The following PABPC4L variants were observed in gnomAD, a reference collection of about 807,000 sequenced individuals.
The protein encoded by PABPC4L is poly(A) binding protein cytoplasmic 4 like.
For synonymous variants in PABPC4L, 169 were observed against 164.1 expected (o/e 1.03, Z -0.23); for missense variants, 452 against 451.4 (o/e 1.00, Z -0.01).
the PABPC4L span, among the ~76,000 whole-genome samples, chr4:134,144,998 T>C: frequency 6.6e-6 from 1 of 151,870 alleles, no homozygotes; most frequent in South Asian, 2.1e-4. Flanking sequence ...TTATCTGAAA[T>C]GATTCCAACA....
the PABPC4L span, among the ~76,000 whole-genome samples, chr4:134,025,538 T>C: frequency 6.6e-6 from 1 of 152,120 alleles, no homozygotes; most frequent in East Asian, 1.9e-4. Context: ...ATTGAATCTA[T>C]GACTGTAAAT....
At chr4:133,975,361 T>C in the PABPC4L span, among the ~76,000 whole-genome samples, 1 of 152,084 alleles carries the variant, frequency 6.6e-6, no homozygotes, top group Non-Finnish European at 1.5e-5. Flanking sequence ...GGATCACTAA[T>C]GAGTATTGGG....
the PABPC4L span, among the ~76,000 whole-genome samples, chr4:134,180,663 T>C: frequency 1.3e-5 from 2 of 150,246 alleles, no homozygotes; most frequent in African/African-American, 4.9e-5. Context: ...AGAGAGATGA[T>C]CCAAATAAAT....
chr4:134,170,858 G>C, the PABPC4L span, among the ~76,000 whole-genome samples: 1 of 152,126 alleles, frequency 6.6e-6, no homozygotes, highest in Non-Finnish European at 1.5e-5. Flanking sequence ...CCAATAAGCG[G>C]ATTGCTGGAT....
At chr4:134,050,919 TG>T in the PABPC4L span, among the ~76,000 whole-genome samples, 1 of 150,006 alleles carries the variant, frequency 6.7e-6, no homozygotes, top group African/African-American at 2.5e-5. Flanking sequence ...TACCCACATT[TG>T]GAAAAGAGTT....
the PABPC4L span, among the ~76,000 whole-genome samples, chr4:134,151,258 T>G: frequency 6.6e-6 from 1 of 152,090 alleles, no homozygotes; most frequent in Non-Finnish European, 1.5e-5. Context: ...CACTACATAC[T>G]TTACTGTATA....
the PABPC4L span, among the ~76,000 whole-genome samples, chr4:134,090,498 T>A: frequency 1.0e-3 from 152 of 152,184 alleles, 1 homozygote; most frequent in African/African-American, 3.5e-3. Flanking sequence ...CCAGGTGCAG[T>A]GGCTTATGCC....
the PABPC4L span, among the ~76,000 whole-genome samples, chr4:134,043,904 ATGTGTG>A: frequency 2.0e-5 from 3 of 147,544 alleles, no homozygotes; most frequent in East Asian, 2.1e-4. Flanking sequence ...CTGTATATAT[ATGTGTG>A]TGTGTGTGTG....
At chr4:134,179,783 CA>C in the PABPC4L span, among the ~76,000 whole-genome samples, 46 of 148,078 alleles carry the variant, frequency 3.1e-4, no homozygotes, top group Admixed American at 1.4e-3. Context: ...TCAAAAAAGG[CA>C]AAAAAAAATG....
the PABPC4L span, among the ~76,000 whole-genome samples, chr4:134,080,098 A>T: frequency 6.6e-6 from 1 of 152,182 alleles, no homozygotes; most frequent in African/African-American, 2.4e-5. Flanking sequence ...AATAGCTTCA[A>T]CTAAGAAGAT....
chr4:133,954,687 A>G, the PABPC4L span, among the ~76,000 whole-genome samples: 1 of 152,118 alleles, frequency 6.6e-6, no homozygotes, highest in East Asian at 1.9e-4. Flanking sequence ...TTCCCCGTGT[A>G]CATTTACATT....
At chr4:134,057,757 A>G in the PABPC4L span, among the ~76,000 whole-genome samples, 1 of 152,096 alleles carries the variant, frequency 6.6e-6, no homozygotes, top group Non-Finnish European at 1.5e-5. Context: ...AAGAAAACCT[A>G]CAGAATTCAA....
At chr4:134,047,859 T>C in the PABPC4L span, among the ~76,000 whole-genome samples, 1 of 151,442 alleles carries the variant, frequency 6.6e-6, no homozygotes, top group African/African-American at 2.4e-5. Context: ...GTCAGAACAC[T>C]TAAAATATTT....
the PABPC4L span, among the ~76,000 whole-genome samples, chr4:133,955,910 T>A: frequency 1.3e-5 from 2 of 152,188 alleles, no homozygotes; most frequent in Non-Finnish European, 2.9e-5. Flanking sequence ...ATGTTTTCAT[T>A]TAACCCCTGG....
chr4:134,056,178 T>C, the PABPC4L span, among the ~76,000 whole-genome samples: 2 of 152,048 alleles, frequency 1.3e-5, no homozygotes, highest in African/African-American at 4.8e-5. Context: ...GATCTGATAT[T>C]GATCTGAGTG....
chr4:133,966,602 A>G, the PABPC4L span, among the ~76,000 whole-genome samples: 11 of 152,204 alleles, frequency 7.2e-5, no homozygotes, highest in African/African-American at 2.7e-4. Flanking sequence ...TGGTATATTT[A>G]TATACAATGG....
chr4:133,999,076 C>A, the PABPC4L span, among the ~76,000 whole-genome samples: 1 of 152,034 alleles, frequency 6.6e-6, no homozygotes, highest in Non-Finnish European at 1.5e-5. Flanking sequence ...CCTTGCTAAG[C>A]TCTTCCCAGT....
At chr4:134,150,538 G>A in the PABPC4L span, among the ~76,000 whole-genome samples, 5 of 152,096 alleles carry the variant, frequency 3.3e-5, no homozygotes, top group African/African-American at 1.2e-4. Flanking sequence ...GATAGAGAAT[G>A]CAAATTTCAC....
chr4:134,117,687 G>A, the PABPC4L span, among the ~76,000 whole-genome samples: 2 of 151,644 alleles, frequency 1.3e-5, no homozygotes, highest in East Asian at 1.9e-4. Context: ...AGCATGAATG[G>A]TTTCTCTCAG....
Sources: gnomAD v4.1 joint callset for allele counts (sites outside exome capture counted in the v4.1 genomes callset) on GRCh38, gnomAD v4.1.1 for gene constraint, MANE v1.5 for transcripts, NCBI Gene and HGNC (gene_info 2026-07-23, HGNC 2026-07-21) for gene names.